The following RNF150 variants were observed in gnomAD, a reference collection of about 807,000 sequenced individuals.
The protein encoded by RNF150 is ring finger protein 150.
A neutral mutation model predicts 39.3 loss-of-function variants in RNF150; 24 were observed. The ratio of observed to expected loss-of-function variants is 0.61; its 90% CI spans 0.44 to 0.86. RNF150 has a LOEUF of 0.86. Among genes scored for constraint, RNF150 ranks in the 40% least tolerant of loss-of-function variants. RNF150 has a pLI of 0.00. For synonymous variants in RNF150, 255 were observed against 227.3 expected (o/e 1.12, Z -1.10); for missense variants, 502 against 587.8 (o/e 0.85, Z 1.51).
rs530709146 is a variant in RNF150 at position 141,198,912 on chromosome 4, C to T, written c.-6+13882G>A. Among the ~76,000 whole-genome samples the T allele has an allele frequency of 4.6e-5, 7 of 152,240 alleles. 1 individual carries two copies. The South Asian group carries it at 1.4e-3, about 32-fold the overall frequency. The stretch of plus-strand genomic sequence containing the variant: ...GACTTATCAAAGTTAAAACCTTTTT[C>T]TCTGTTAAGAGAATGAAAAGACAAT... On this transcript the variant is annotated intron_variant, in intron 1 of 7. Coordinates refer to the RNF150 transcript ENST00000420921.
chr4:141,070,066 C>G (rs1463833282), intron 1 of RNF150, among the ~76,000 whole-genome samples: 1 of 152,018 alleles, frequency 6.6e-6, no homozygotes, highest in Non-Finnish European at 1.5e-5. Flanking sequence ...TCCTTCAGTT[C>G]TGCTCTGCCA....
chr4:140,916,356 T>C (rs1004219432), intron 5 of RNF150, among the ~76,000 whole-genome samples: 2 of 152,208 alleles, frequency 1.3e-5, no homozygotes, highest in African/African-American at 4.8e-5. Context: ...TTACAGGACC[T>C]GATGGAGCTG....
intron 1 of RNF150, among the ~76,000 whole-genome samples, chr4:141,145,933 C>T (rs1458903472): frequency 2.6e-5 from 4 of 152,166 alleles, no homozygotes; most frequent in Admixed American, 1.3e-4. Context: ...GCATCAAACA[C>T]GGCTGCCTCA....
intron 1 of RNF150, among the ~76,000 whole-genome samples, chr4:141,086,323 G>A (rs570757369): frequency 1.3e-5 from 2 of 151,942 alleles, no homozygotes; most frequent in Admixed American, 1.3e-4. Flanking sequence ...AGTCTACTAG[G>A]TTTTCTTTTT....
intron 6 of RNF150, among the ~76,000 whole-genome samples, chr4:140,891,292 C>T (rs1412318846): frequency 6.6e-6 from 1 of 152,142 alleles, no homozygotes; most frequent in Non-Finnish European, 1.5e-5. Context: ...TTCAGAAAGG[C>T]TATAGTTCTC....
intron 1 of RNF150, among the ~76,000 whole-genome samples, chr4:141,020,706 T>A (rs1578639272): frequency 6.6e-6 from 1 of 152,202 alleles, no homozygotes; most frequent in Non-Finnish European, 1.5e-5. Flanking sequence ...CAGCTCAGTC[T>A]GCCAATTACA....
intron 2 of RNF150, among the ~76,000 whole-genome samples, chr4:140,949,711 A>C (rs1164185059): frequency 1.3e-5 from 2 of 151,224 alleles, no homozygotes; most frequent in Non-Finnish European, 2.9e-5. Flanking sequence ...GTAATTTGCC[A>C]CTCTAGCCAC....
intron 1 of RNF150, among the ~76,000 whole-genome samples, chr4:141,023,330 C>G (rs900291447): frequency 2.0e-5 from 3 of 152,112 alleles, no homozygotes; most frequent in African/African-American, 7.2e-5. Flanking sequence ...TCTGCAATCT[C>G]TGCCTCCTGG....
chr4:140,860,699 T>C lies in RNF150; in HGVS notation c.*7562A>G, dbSNP rs1728452124. The stretch of plus-strand genomic sequence containing the variant: ...GCTAGTAGGGAGGAAGATTGATTTA[T>C]GATGTCATGTCTGATTATTTATAAT... On this transcript the variant is annotated 3_prime_UTR_variant, in exon 7 of 7. Transcript: ENST00000515673. The C allele has an allele frequency of 6.6e-6, 1 of 152,248 alleles. No homozygotes were observed. The highest frequency in any genetic ancestry group is 1.5e-5 in the Non-Finnish European group (1 of 68,038). The allele number at this position is 152,248 out of a possible 1,614,324, so 9.4% of individuals were successfully genotyped here.
At chr4:140,969,490 T>C (rs1395174255) in intron 1 of RNF150, among the ~76,000 whole-genome samples, 1 of 152,106 alleles carries the variant, frequency 6.6e-6, no homozygotes, top group Non-Finnish European at 1.5e-5. Context: ...TGTGGGGGAT[T>C]AAGGCTGCTG....
At position 141,036,126 on chromosome 4, in the gene RNF150, G is replaced by T. The variant is rs1297450652; in HGVS notation, c.485-68253C>A. 4.6e-5 allele frequency among the ~76,000 whole-genome samples: 7 copies of T among 152,274 alleles called. No individual in the cohort carries two copies. In the East Asian group the frequency reaches 1.3e-3, roughly 29 times the overall value. On this transcript the variant is annotated intron_variant, in intron 1 of 6. Coordinates refer to ENST00000515673, the MANE Select transcript of RNF150 (RefSeq NM_020724.2). ...TGACAGACATGTGGAGACTGCTAAA[G>T]ATATCTATGGCAAAAGCATAAGGAG...
At chr4:141,029,141 C>A (rs1213943673) in intron 1 of RNF150, among the ~76,000 whole-genome samples, 1 of 152,022 alleles carries the variant, frequency 6.6e-6, no homozygotes, top group Non-Finnish European at 1.5e-5. Flanking sequence ...CATTGATATG[C>A]CCGGAGAAGA....
intron 1 of RNF150, among the ~76,000 whole-genome samples, chr4:141,117,543 G>C (rs150056869): frequency 6.6e-6 from 1 of 152,022 alleles, no homozygotes; most frequent in Non-Finnish European, 1.5e-5. Flanking sequence ...AATGTATATG[G>C]TATGGTCTGT....
intron 1 of RNF150, among the ~76,000 whole-genome samples, chr4:141,081,048 G>T (rs979497067): frequency 6.6e-6 from 1 of 152,108 alleles, no homozygotes; most frequent in Non-Finnish European, 1.5e-5. Context: ...TGTTACTTTT[G>T]GATAAGTGGC....
chr4:141,147,742 G>A (rs1341369530), intron 1 of RNF150, among the ~76,000 whole-genome samples: 1 of 152,108 alleles, frequency 6.6e-6, no homozygotes, highest in African/African-American at 2.4e-5. Context: ...GAGAGAGAGA[G>A]AAACTCAGAA....
intron 1 of RNF150, among the ~76,000 whole-genome samples, chr4:141,119,030 G>C (rs1726525620): frequency 6.6e-6 from 1 of 152,120 alleles, no homozygotes; most frequent in South Asian, 2.1e-4. Flanking sequence ...CAAAGTGCAA[G>C]GATTACAGAC....
chr4:141,174,384 T>TTA (rs1727775458), intron 1 of RNF150, among the ~76,000 whole-genome samples: 3 of 152,166 alleles, frequency 2.0e-5, no homozygotes, highest in Non-Finnish European at 4.4e-5. Flanking sequence ...CAAGTGTTAA[T>TTA]ACCATGGAGT....
chr4:140,859,940 C>T lies in RNF150; in HGVS notation c.*8321G>A, dbSNP rs907187752. 6.6e-6 allele frequency: 1 copy of T among 151,982 alleles called. No individual in the cohort carries two copies. The highest frequency in any genetic ancestry group is 2.4e-5 in the African/African-American group (1 of 41,380). 9.4% of individuals were successfully genotyped at this position (151,982 alleles called of 1,614,324 possible). A position where few individuals can be genotyped will look rare whatever the true frequency, so the allele number is the denominator to read the frequency against. On this transcript the variant is annotated 3_prime_UTR_variant, in exon 7 of 7. Coordinates refer to ENST00000515673, the MANE Select transcript of RNF150 (RefSeq NM_020724.2). Reference sequence around the variant, plus strand: ...TAGCCAGTACGTAAGAACACGATTGCACTTATTTACATGATAGTCTTCTAT... The same window carrying T: ...TAGCCAGTACGTAAGAACACGATTGTACTTATTTACATGATAGTCTTCTAT...
chr4:140,918,577 T>G (rs1444522799), intron 5 of RNF150, among the ~76,000 whole-genome samples: 6 of 151,932 alleles, frequency 3.9e-5, no homozygotes, highest in African/African-American at 7.3e-5. Flanking sequence ...CAGGTCCAGA[T>G]GGATTCACAG....
Sources: gnomAD v4.1 joint callset for allele counts (sites outside exome capture counted in the v4.1 genomes callset) on GRCh38, gnomAD v4.1.1 for gene constraint, MANE v1.5 for transcripts, NCBI Gene and HGNC (gene_info 2026-07-23, HGNC 2026-07-21) for gene names.